CNTNAP5: variants seen among roughly 807,000 people sequenced by gnomAD.
The protein encoded by CNTNAP5 is contactin-associated protein-like 5.
Under a neutral mutation model 150.2 loss-of-function variants are expected in CNTNAP5, and 72 were observed. The observed-to-expected ratio is 0.48, with a 90% confidence interval of 0.40 to 0.58. The LOEUF is 0.58. CNTNAP5 is among the 20% of genes least tolerant of loss of function. The pLI, the probability that CNTNAP5 is intolerant of heterozygous loss-of-function variation, is 0.00. For missense variants in CNTNAP5, 1,636 were observed against 1,626.2 expected, an observed-to-expected ratio of 1.01 and a Z score of -0.10; for synonymous variants, 672 against 619.8, an observed-to-expected ratio of 1.08 and a Z score of -1.25.
chr2:124,718,957 AG>A (rs1460471088), intron 13 of CNTNAP5, among the ~76,000 whole-genome samples: 1 of 151,394 alleles, frequency 6.6e-6, no homozygotes, highest in Non-Finnish European at 1.5e-5. Context: ...AAAAAAAAAA[AG>A]AACGGGAAAT....
At chr2:124,605,743 C>T (rs1268824817) in intron 11 of CNTNAP5, among the ~76,000 whole-genome samples, 3 of 126,268 alleles carry the variant, frequency 2.4e-5, no homozygotes, top group Non-Finnish European at 3.2e-5. Flanking sequence ...TTGGACCTGG[C>T]GGAGGTTGCA....
chr2:124,303,683 C>T (rs1479676710), intron 3 of CNTNAP5, among the ~76,000 whole-genome samples: 1 of 152,172 alleles, frequency 6.6e-6, no homozygotes, highest in Non-Finnish European at 1.5e-5. Context: ...TCAGTTATTT[C>T]CACATGATGA....
intron 3 of CNTNAP5, among the ~76,000 whole-genome samples, chr2:124,263,020 G>T (rs1687500980): frequency 6.6e-6 from 1 of 152,062 alleles, no homozygotes; most frequent in Non-Finnish European, 1.5e-5. Context: ...TGGTGTATAT[G>T]TGCCACATTT....
chr2:124,900,836 C>T (rs954199476), intron 21 of CNTNAP5, among the ~76,000 whole-genome samples: 14 of 151,574 alleles, frequency 9.2e-5, no homozygotes, highest in East Asian at 3.9e-4. Context: ...CTGCCTCTTC[C>T]TCTAAATATT....
chr2:124,757,422 C>T (rs1216222714), intron 14 of CNTNAP5, among the ~76,000 whole-genome samples: 1 of 152,112 alleles, frequency 6.6e-6, no homozygotes, highest in African/African-American at 2.4e-5. Context: ...CAGCACAGTC[C>T]AGAGGCGGCA....
intron 8 of CNTNAP5, among the ~76,000 whole-genome samples, chr2:124,505,951 C>T (rs536327120): frequency 2.0e-5 from 3 of 152,236 alleles, no homozygotes; most frequent in East Asian, 1.9e-4. Context: ...ATTTAGATGC[C>T]TTTTTCTCAA....
rs188200604 is a variant in CNTNAP5 at position 124,895,514 on chromosome 2, C to T, written c.3437-7368C>T. 1.0e-3 allele frequency among the ~76,000 whole-genome samples: 155 copies of T among 151,536 alleles called. 7 individuals are homozygous for T. The highest frequency in any genetic ancestry group is 3.6e-3 in the African/African-American group (148 of 40,948). On this transcript the variant is annotated intron_variant, in intron 21 of 23. Coordinates refer to ENST00000682447, the MANE Select transcript of CNTNAP5 (RefSeq NM_001367498.1). Reference sequence around the variant, plus strand: ...GGTGGCATGTGCCTGTAGTCCCTGACACTGGGTTGGCTGAGGTGGAAGCAT... The same window carrying T: ...GGTGGCATGTGCCTGTAGTCCCTGATACTGGGTTGGCTGAGGTGGAAGCAT...
At chr2:124,715,312 G>C (rs1263239981) in intron 13 of CNTNAP5, among the ~76,000 whole-genome samples, 2 of 152,132 alleles carry the variant, frequency 1.3e-5, no homozygotes, top group African/African-American at 2.4e-5. Flanking sequence ...AAACCCATTT[G>C]ACGGCTTAGA....
intron 3 of CNTNAP5, among the ~76,000 whole-genome samples, chr2:124,355,369 G>T (rs1030336551): frequency 1.3e-5 from 2 of 152,062 alleles, no homozygotes; most frequent in Non-Finnish European, 2.9e-5. Context: ...CTAGCTTTTA[G>T]ATCCTCTTTT....
In CNTNAP5 at chr2:124,504,131, T is replaced by C. The variant is rs555802871; in HGVS notation, c.1063-161T>C. ...AATGAGCGGAAAACGATCTTGTGAG[T>C]GTGTCTGAGCAAAGCCGACATTTTT... On this transcript the variant is annotated intron_variant, in intron 7 of 23. Transcript: ENST00000682447. 3.9e-5 allele frequency among the ~76,000 whole-genome samples: 6 copies of C among 152,194 alleles called. 1 individual carries two copies. In the South Asian group the frequency reaches 1.2e-3, roughly 32 times the overall value.
At chr2:124,366,030 A>G (rs1690361783) in intron 3 of CNTNAP5, among the ~76,000 whole-genome samples, 1 of 152,202 alleles carries the variant, frequency 6.6e-6, no homozygotes, top group Admixed American at 6.5e-5. Context: ...GTTACATTAC[A>G]GGTATTTTTA....
chr2:124,214,463 T>C (rs1686105443), intron 1 of CNTNAP5, among the ~76,000 whole-genome samples: 1 of 152,170 alleles, frequency 6.6e-6, no homozygotes, highest in Admixed American at 6.5e-5. Context: ...CCACGTTTGA[T>C]GAATTTGCGA....
intron 7 of CNTNAP5, among the ~76,000 whole-genome samples, chr2:124,501,483 C>A (rs1050982245): frequency 6.6e-6 from 1 of 152,156 alleles, no homozygotes; most frequent in Non-Finnish European, 1.5e-5. Flanking sequence ...TTTGCCATGT[C>A]TCCTTTGACA....
intron 13 of CNTNAP5, among the ~76,000 whole-genome samples, chr2:124,673,727 A>T (rs749149123): frequency 3.0e-4 from 46 of 151,762 alleles, no homozygotes; most frequent in Non-Finnish European, 8.8e-5. Context: ...TCTAAGGCAT[A>T]GAGAGAATAA....
intron 1 of CNTNAP5, among the ~76,000 whole-genome samples, chr2:124,167,117 C>T (rs1684824621): frequency 6.6e-6 from 1 of 152,140 alleles, no homozygotes; most frequent in Admixed American, 6.5e-5. Flanking sequence ...TCTCAGATAT[C>T]TCTCTCTTTC....
At chr2:124,607,151 C>G (rs1260667850) in intron 11 of CNTNAP5, among the ~76,000 whole-genome samples, 1 of 152,152 alleles carries the variant, frequency 6.6e-6, no homozygotes, top group Non-Finnish European at 1.5e-5. Context: ...GATTCTAAAA[C>G]AACACCTGGA....
chr2:124,622,118 C>G (rs569884569), intron 12 of CNTNAP5, among the ~76,000 whole-genome samples: 1 of 152,040 alleles, frequency 6.6e-6, no homozygotes, highest in African/African-American at 2.4e-5. Flanking sequence ...CTCCCACCCC[C>G]GAACCCCCAC....
At chr2:124,762,427 A>T (rs1558765632) in intron 14 of CNTNAP5, among the ~76,000 whole-genome samples, 1 of 152,088 alleles carries the variant, frequency 6.6e-6, no homozygotes, top group Non-Finnish European at 1.5e-5. Context: ...TCATAGGTGG[A>T]TGCATAAAAA....
At chr2:124,358,583 T>C (rs1302371745) in intron 3 of CNTNAP5, among the ~76,000 whole-genome samples, 1 of 152,232 alleles carries the variant, frequency 6.6e-6, no homozygotes, top group Non-Finnish European at 1.5e-5. Context: ...TGTCTTTGGC[T>C]CTGTTTATAT....
Sources: allele counts gnomAD v4.1 joint callset (sites outside exome capture counted in the v4.1 genomes callset), GRCh38; gene constraint gnomAD v4.1.1; transcripts MANE v1.5; gene names NCBI Gene and HGNC (gene_info 2026-07-23, HGNC 2026-07-21).